FBLN5: variants seen among roughly 807,000 people sequenced by gnomAD.
FBLN5 encodes fibulin 5.
Under a neutral mutation model 61.6 loss-of-function variants are expected in FBLN5, and 24 were observed. That is an observed-to-expected ratio of 0.39 (90% CI 0.28 to 0.55). The LOEUF (loss-of-function observed/expected upper bound fraction) is 0.55. FBLN5 is among the 20% of genes least tolerant of loss of function. The pLI, the probability that FBLN5 is intolerant of heterozygous loss-of-function variation, is 0.65. For synonymous variants in FBLN5, 213 were observed against 219.8 expected (o/e 0.97, Z 0.27); for missense variants, 470 against 594.1 (o/e 0.79, Z 2.17).
At position 91,869,724 on chromosome 14, in the gene FBLN5, G is replaced by A. The variant is rs557473561; in HGVS notation, c.*500C>T. On this transcript the variant is annotated 3_prime_UTR_variant, in exon 11 of 11. Transcript: ENST00000342058. Reference sequence around the variant, plus strand: ...GAAACACATTCTCTAAAAACCCTTCGATCCTGCTGTGGTTTGTTTACATAG... The same window carrying A: ...GAAACACATTCTCTAAAAACCCTTCAATCCTGCTGTGGTTTGTTTACATAG... 30 of 165,382 alleles carry A rather than the reference G, an allele frequency of 1.8e-4. No homozygotes were observed. Among genetic ancestry groups the A allele is most frequent in the Non-Finnish European group, 3.9e-4 (29 of 75,148 alleles). 10.2% of individuals were successfully genotyped at this position (165,382 alleles called of 1,614,324 possible).
intron 4 of FBLN5, among the ~76,000 whole-genome samples, chr14:91,900,124 G>A (rs1162701433): frequency 6.6e-6 from 1 of 152,160 alleles, no homozygotes; most frequent in Non-Finnish European, 1.5e-5. Context: ...CCCATTTTAT[G>A]TCCTCCCCTT....
chr14:91,915,119 C>T (rs1371119034), intron 4 of FBLN5, among the ~76,000 whole-genome samples: 1 of 151,532 alleles, frequency 6.6e-6, no homozygotes, highest in Non-Finnish European at 1.5e-5. Flanking sequence ...AAGATCGCAC[C>T]ACTGCACTCC....
At chr14:91,946,706 C>T (rs2056190163) in intron 1 of FBLN5, 1 of 1,534,346 alleles carries the variant, frequency 6.5e-7, no homozygotes, top group Non-Finnish European at 8.7e-7. Flanking sequence ...AAAACATTTG[C>T]TTACATGTAT....
chr14:91,875,928 C>T (rs539852422), intron 10 of FBLN5, among the ~76,000 whole-genome samples: 3 of 152,294 alleles, frequency 2.0e-5, no homozygotes, highest in Admixed American at 2.0e-4. Context: ...TGAGATGTAA[C>T]CCAGGTGCTC....
intron 10 of FBLN5, among the ~76,000 whole-genome samples, chr14:91,870,599 C>A (rs1384991387): frequency 1.3e-5 from 2 of 152,242 alleles, no homozygotes; most frequent in Admixed American, 6.5e-5. Context: ...TAAGAGGAGC[C>A]TTCTCTGGTT....
intron 4 of FBLN5, among the ~76,000 whole-genome samples, chr14:91,934,539 C>T (rs374204833): frequency 2.8e-4 from 43 of 152,246 alleles, no homozygotes; most frequent in African/African-American, 6.5e-4. Flanking sequence ...TACTGTTGAT[C>T]GCTATTCTTA....
In FBLN5 at chr14:91,889,455, C is replaced by T. The variant is rs181248842; in HGVS notation, c.619+1766G>A. Among the ~76,000 whole-genome samples the T allele has an allele frequency of 6.3e-4, 96 of 152,356 alleles. 1 individual carries two copies. The highest frequency in any genetic ancestry group is 2.4e-4 in the Non-Finnish European group (16 of 68,020). ...GCTGAGGGCACACAGGGCCCCACTC[C>T]AACCTGTTGGACAAGAAGTCTGGGC... On this transcript the variant is annotated intron_variant, in intron 6 of 10. Transcript: ENST00000342058.
intron 7 of FBLN5, among the ~76,000 whole-genome samples, chr14:91,884,177 C>G (rs761343571): frequency 1.3e-5 from 2 of 152,300 alleles, no homozygotes; most frequent in Middle Eastern, 6.8e-3. Flanking sequence ...CCTTGTGCCT[C>G]TCACATCCCA....
rs114934419 is a variant in FBLN5 at position 91,908,138 on chromosome 14, C to T, written c.380-13066G>A. On this transcript the variant is annotated intron_variant, in intron 4 of 10. Coordinates refer to ENST00000342058, the MANE Select transcript of FBLN5 (RefSeq NM_006329.4). ...GGAAATTCTAATAAAAAACAACTGA[C>T]GCAATGTACTTCACACTTCTCTGCA... 2.6e-3 allele frequency among the ~76,000 whole-genome samples: 398 copies of T among 152,274 alleles called. 4 individuals are homozygous for T. The highest frequency in any genetic ancestry group is 8.9e-3 in the African/African-American group (370 of 41,556).
chr14:91,920,388 A>C (rs1434813308), intron 4 of FBLN5, among the ~76,000 whole-genome samples: 1 of 152,220 alleles, frequency 6.6e-6, no homozygotes, highest in Admixed American at 6.5e-5. Flanking sequence ...TCTCGAAATG[A>C]ATGAATTATC....
intron 4 of FBLN5, among the ~76,000 whole-genome samples, chr14:91,918,233 G>A (rs1006997501): frequency 2.6e-5 from 4 of 152,134 alleles, no homozygotes; most frequent in Admixed American, 1.3e-4. Flanking sequence ...TAAGTGATTC[G>A]AAGCTTTTCA....
At chr14:91,883,589 A>T (rs1889577713) in intron 7 of FBLN5, among the ~76,000 whole-genome samples, 1 of 147,100 alleles carries the variant, frequency 6.8e-6, no homozygotes. Context: ...CTAAAGTCAC[A>T]ATTAAGGGAC....
At chr14:91,910,210 C>T (rs1890860320) in intron 4 of FBLN5, among the ~76,000 whole-genome samples, 1 of 152,166 alleles carries the variant, frequency 6.6e-6, no homozygotes, top group African/African-American at 2.4e-5. Context: ...GAAGGAAACT[C>T]TAGCACGTGC....
chr14:91,931,220 C>T (rs2055917301), intron 4 of FBLN5, among the ~76,000 whole-genome samples: 1 of 152,222 alleles, frequency 6.6e-6, no homozygotes, highest in African/African-American at 2.4e-5. Flanking sequence ...CTTATCTCTG[C>T]CTTCTTTTTA....
At chr14:91,873,136 G>A (rs574242221) in intron 10 of FBLN5, among the ~76,000 whole-genome samples, 19 of 152,332 alleles carry the variant, frequency 1.2e-4, no homozygotes, top group African/African-American at 4.6e-4. Flanking sequence ...AAGAGCTCAA[G>A]TACCTGCCAC....
intron 10 of FBLN5, among the ~76,000 whole-genome samples, chr14:91,871,823 C>A (rs1595288428): frequency 2.0e-5 from 3 of 151,510 alleles, no homozygotes; most frequent in African/African-American, 7.3e-5. Context: ...CACCACTATA[C>A]TCCACCCTGG....
At chr14:91,911,388 C>T (rs1268524941) in intron 4 of FBLN5, among the ~76,000 whole-genome samples, 1 of 152,190 alleles carries the variant, frequency 6.6e-6, no homozygotes, top group African/African-American at 2.4e-5. Flanking sequence ...GTAGTTAATT[C>T]ATGGGGTTTT....
intron 4 of FBLN5, among the ~76,000 whole-genome samples, chr14:91,920,462 G>A (rs7141569): frequency 0.06 from 9,196 of 152,224 alleles, 962 homozygotes; most frequent in African/African-American, 0.21. Flanking sequence ...TCATTCAGCT[G>A]CTGAATCTGA....
At chr14:91,946,505 A>C (rs1172727972) in intron 1 of FBLN5, among the ~76,000 whole-genome samples, 1 of 144,268 alleles carries the variant, frequency 6.9e-6, no homozygotes, top group South Asian at 2.2e-4. Context: ...ACATTGTTAC[A>C]GCTTAGTTTT....
Sources: gnomAD v4.1 joint callset for allele counts (sites outside exome capture counted in the v4.1 genomes callset) on GRCh38, gnomAD v4.1.1 for gene constraint, MANE v1.5 for transcripts, NCBI Gene and HGNC (gene_info 2026-07-23, HGNC 2026-07-21) for gene names.